Variants in ZNF770 observed in about 807,000 individuals in gnomAD.
ZNF770 encodes zinc finger protein 770.
A neutral mutation model predicts 44.8 loss-of-function variants in ZNF770; 13 were observed. The ratio of observed to expected loss-of-function variants is 0.29; its 90% CI spans 0.19 to 0.46. The LOEUF is 0.46. ZNF770 is among the 20% of genes least tolerant of loss of function. The probability of loss-of-function intolerance (pLI) is 1.00; values close to 1 mark genes in which losing one functional copy is unlikely to be tolerated. For synonymous variants in ZNF770, 304 were observed against 271.8 expected, an observed-to-expected ratio of 1.12 and a Z score of -1.17; for missense variants, 681 against 797.9, an observed-to-expected ratio of 0.85 and a Z score of 1.77.
chr15:34,985,727 C>G (rs1283021543), intron 2 of ZNF770, among the ~76,000 whole-genome samples: 2 of 151,930 alleles, frequency 1.3e-5, no homozygotes, highest in Admixed American at 6.6e-5. Flanking sequence ...AACCCTGTCT[C>G]TACTAAAAAT....
Position 34,981,653 on chromosome 15 carries a change from T to C in ZNF770, c.1782A>G (p.Gln594=). Residue 594 remains glutamine (Q), a synonymous_variant, in exon 3 of 3, where the codon CAA becomes CAG. Coordinates refer to ENST00000356321, the MANE Select transcript of ZNF770 (RefSeq NM_014106.4). ...CCAAAAGTACATTAGGAAGACAGGGTTGCCCGGTGCTACCAGGAATAAAAT... is the reference window on the plus strand; with the variant it reads ...CCAAAAGTACATTAGGAAGACAGGGCTGCCCGGTGCTACCAGGAATAAAAT... ...SQDFIPGSTG[Q]PCLPNVLLES... is the part of the protein sequence containing the mutation. The C allele has an allele frequency of 6.2e-7, 1 of 1,614,152 alleles. No individual in the cohort carries two copies. Among genetic ancestry groups the C allele is most frequent in the South Asian group, 1.1e-5 (1 of 91,076 alleles).
rs1452208474 is a variant in ZNF770 at position 34,982,501 on chromosome 15, G to A, written c.934C>T (p.His312Tyr). ...CFESEQILNE[H>Y]SCFAARSGKI... ...CCACTTCTAGCAGCAAAACAGCTGT[G>A]TTCATTGAGAATCTGCTCTGATTCA... The change falls in exon 3 of 3, where the codon CAC (histidine) becomes TAC (tyrosine). Residue 312 changes from histidine (H) to tyrosine (Y), a missense_variant. Around this residue, in one of 5 missense-constraint regions of ZNF770, gnomAD observed 432 missense variants for 434.1 expected, o/e 1.00. Transcript: ENST00000356321. 1 of 1,613,968 alleles carries A rather than the reference G, an allele frequency of 6.2e-7. No homozygotes were observed.
Position 34,979,835 on chromosome 15 carries a change from A to G in ZNF770, c.*1524T>C, listed in dbSNP as rs190648999. 696 of 309,358 alleles carry G rather than the reference A, an allele frequency of 2.2e-3. 3 individuals are homozygous for G. The highest frequency in any genetic ancestry group is 3.5e-3 in the South Asian group (144 of 41,050). The allele number at this position is 309,358 out of a possible 1,614,324, so 19.2% of individuals were successfully genotyped here. On this transcript the variant is annotated 3_prime_UTR_variant, in exon 3 of 3. Coordinates refer to ENST00000356321, the MANE Select transcript of ZNF770 (RefSeq NM_014106.4). ...ATAACGGTTCATTCCTTTTATTGCT[A>G]GAGAATGTCATTCCTGAAGATTTTA... is the stretch of plus-strand genomic sequence containing the variant.
chr15:34,979,856 T>C lies in ZNF770; in HGVS notation c.*1503A>G, dbSNP rs1423546958. Reference sequence around the variant, plus strand: ...TGCTAGAGAATGTCATTCCTGAAGATTTTATAAACAAAGGCAAATATGAAG... The same window carrying C: ...TGCTAGAGAATGTCATTCCTGAAGACTTTATAAACAAAGGCAAATATGAAG... On this transcript the variant is annotated 3_prime_UTR_variant, in exon 3 of 3. Coordinates refer to ENST00000356321, the MANE Select transcript of ZNF770 (RefSeq NM_014106.4). 3.2e-6 allele frequency: 1 copy of C among 308,628 alleles called. No individual in the cohort carries two copies. Among genetic ancestry groups the C allele is most frequent in the Non-Finnish European group, 6.3e-6 (1 of 157,522 alleles). The allele number at this position is 308,628 out of a possible 1,614,324, so 19.1% of individuals were successfully genotyped here.
At chr15:34,985,745 T>C (rs914643726) in intron 2 of ZNF770, among the ~76,000 whole-genome samples, 1 of 152,004 alleles carries the variant, frequency 6.6e-6, no homozygotes, top group African/African-American at 2.4e-5. Context: ...AATACAAAAA[T>C]TAGCTGAGTG....
Position 34,987,616 on chromosome 15 carries a change from A to C in ZNF770, c.-116T>G, listed in dbSNP as rs2050443589. 2 of 152,266 alleles carry C rather than the reference A, an allele frequency of 1.3e-5. No individual in the cohort carries two copies. Among genetic ancestry groups the C allele is most frequent in the Non-Finnish European group, 2.9e-5 (2 of 68,052 alleles). The allele number at this position is 152,266 out of a possible 1,614,324, so 9.4% of individuals were successfully genotyped here. A position where few individuals can be genotyped will look rare whatever the true frequency, so the allele number is the denominator to read the frequency against. On this transcript the variant is annotated 5_prime_UTR_variant, in exon 2 of 3. Transcript: ENST00000356321. ...GCCTGTTGATTTTCTTGTCTTGACT[A>C]GTACCATTAAAACGATGTGAGGATT...
In ZNF770 at chr15:34,979,528, A is replaced by C. The variant is rs1253471661; in HGVS notation, c.*1831T>G. 1 of 365,172 alleles carries C rather than the reference A, an allele frequency of 2.7e-6. No individual in the cohort carries two copies. Among genetic ancestry groups the C allele is most frequent in the Non-Finnish European group, 5.4e-6 (1 of 184,774 alleles). The allele number at this position is 365,172 out of a possible 1,614,324, so 22.6% of individuals were successfully genotyped here. ...TGCTGGATGTCTGTATCTACATAAT[A>C]AACAGGCACACTTCTACATCACTGG... On this transcript the variant is annotated 3_prime_UTR_variant, in exon 3 of 3. Coordinates refer to ENST00000356321, the MANE Select transcript of ZNF770 (RefSeq NM_014106.4).
Position 34,983,438 on chromosome 15 carries a change from C to G in ZNF770, c.-4G>C, listed in dbSNP as rs1009881466. 1.3e-6 allele frequency: 2 copies of G among 1,541,458 alleles called. No individual in the cohort carries two copies. Among genetic ancestry groups the G allele is most frequent in the Non-Finnish European group, 1.7e-6 (2 of 1,143,296 alleles). On this transcript the variant is annotated 5_prime_UTR_variant, in exon 3 of 3. Transcript: ENST00000356321. Reference sequence around the variant, plus strand: ...TTAAATTGTTTTCAGCCATCATATTCTTCAATGATATACTCTGATGAGCTC... The same window carrying G: ...TTAAATTGTTTTCAGCCATCATATTGTTCAATGATATACTCTGATGAGCTC...
intron 2 of ZNF770, among the ~76,000 whole-genome samples, chr15:34,984,553 G>T (rs1322270378): frequency 6.6e-6 from 1 of 151,560 alleles, no homozygotes; most frequent in African/African-American, 2.4e-5. Context: ...AGCTACTCAG[G>T]AGGCTGAGGC....
chr15:34,982,013 T>C lies in ZNF770; in HGVS notation c.1422A>G (p.Ile474Met). ...PRENIRTRHK[I>M]CPCDKCEKVF... Reference sequence around the variant, plus strand: ...CCTTCTCACATTTGTCACAAGGACATATCTTATGTCTAGTACGTATGTTTT... The same window carrying C: ...CCTTCTCACATTTGTCACAAGGACACATCTTATGTCTAGTACGTATGTTTT... The change falls in exon 3 of 3, where the codon ATA (isoleucine) becomes ATG (methionine). Residue 474 changes from isoleucine (I) to methionine (M), a missense_variant. By Grantham distance (10) the Ile-to-Met change is conservative. Transcript: ENST00000356321. The C allele has an allele frequency of 6.2e-7, 1 of 1,613,714 alleles. No homozygotes were observed.
In ZNF770 at chr15:34,978,935, T is replaced by A. The variant is rs1308711326; in HGVS notation, c.*2424A>T. On this transcript the variant is annotated 3_prime_UTR_variant, in exon 3 of 3. Coordinates refer to ENST00000356321, the MANE Select transcript of ZNF770 (RefSeq NM_014106.4). ...GCAATGTAAATGCTATTTAAATAAC[T>A]GTTATACTGTATTTTTATTTGTATT... is the stretch of plus-strand genomic sequence containing the variant. 6.6e-6 allele frequency: 1 copy of A among 152,318 alleles called. No homozygotes were observed. Among genetic ancestry groups the A allele is most frequent in the African/African-American group, 2.4e-5 (1 of 41,466 alleles). The allele number at this position is 152,318 out of a possible 1,614,324, so 9.4% of individuals were successfully genotyped here.
rs2050411578 is a variant in ZNF770, at chr15:34,982,835, T to A, written c.600A>T (p.Ser200=). The A allele has an allele frequency of 6.2e-7, 1 of 1,613,840 alleles. No homozygotes were observed. Among genetic ancestry groups the A allele is most frequent in the Non-Finnish European group, 8.5e-7 (1 of 1,179,976 alleles). The change falls in exon 3 of 3, where the codon TCA becomes TCT. Residue 200 remains serine (S), a synonymous_variant. Transcript: ENST00000356321. ...TAAGTTGGTGGATTTTTAAGTGAGT[T>A]GACTGTCGAAAAGATTTAGTACACA... ...CVLCTKSFRQ[S]THLKIHQLTH... is the part of the protein sequence containing the mutation.
At chr15:34,987,873 T>C (rs2140524402) in intron 1 of ZNF770, among the ~76,000 whole-genome samples, 200 bp from the exon 2 acceptor site, 1 of 151,976 alleles carries the variant, frequency 6.6e-6, no homozygotes, top group South Asian at 2.1e-4. Context: ...TCGAGCCGAG[T>C]CCAGAAACCA....
intron 1 of ZNF770, 140 bp downstream of exon 1, chr15:34,987,976 A>G (rs2050446082): frequency 6.6e-6 from 1 of 152,222 alleles, no homozygotes; most frequent in African/African-American, 2.4e-5. Flanking sequence ...ACCCACAGCA[A>G]CAACAAAAAA....
At position 34,983,052 on chromosome 15, in the gene ZNF770, C is replaced by T; in HGVS notation, c.383G>A (p.Gly128Glu). 6.2e-7 allele frequency: 1 copy of T among 1,614,032 alleles called. No homozygotes were observed. The highest frequency in any genetic ancestry group is 1.1e-5 in the South Asian group (1 of 91,056). Residue 128 changes from glycine to glutamate, a missense_variant, in exon 3 of 3, where the codon GGA (glycine) becomes GAA (glutamate). Gly to Glu is a moderately conservative substitution (Grantham distance 98, BLOSUM62 -2). This residue lies in a region of ZNF770 where 432 missense variants were observed against 434.1 expected (regional missense o/e 1.00). Transcript: ENST00000356321. ...CTCTGTGGTAAAAGTATTATACACTCCATACATTGACTTTTCTTGCTTGGC... is the reference window on the plus strand; with the variant it reads ...CTCTGTGGTAAAAGTATTATACACTTCATACATTGACTTTTCTTGCTTGGC... The part of the protein sequence containing the change: ...LEAKQEKSMY[G>E]VYNTFTTEER...
Position 34,982,529 on chromosome 15 carries a change from A to G in ZNF770, c.906T>C (p.Cys302=). ...VPFQCPKCEK[C]FESEQILNEH... is the part of the protein sequence containing the mutation. ...CATTGAGAATCTGCTCTGATTCAAA[A>G]CACTTTTCACACTTTGGACATTGAA... The change falls in exon 3 of 3, where the codon TGT becomes TGC. Residue 302 remains cysteine (C), a synonymous_variant. Coordinates refer to ENST00000356321, the MANE Select transcript of ZNF770 (RefSeq NM_014106.4). 3 of 1,613,964 alleles carry G rather than the reference A, an allele frequency of 1.9e-6. No individual in the cohort carries two copies. In the South Asian group the frequency reaches 3.3e-5, roughly 18 times the overall value.
chr15:34,984,689 A>T (rs1347239571), intron 2 of ZNF770, among the ~76,000 whole-genome samples: 1 of 152,182 alleles, frequency 6.6e-6, no homozygotes, highest in African/African-American at 2.4e-5. Flanking sequence ...TTTGTTGTGA[A>T]ATTCCCAAAA....
At position 34,983,475 on chromosome 15, in the gene ZNF770, T is replaced by TA. The variant is rs1320636487; in HGVS notation, c.-42dup. The TA allele has an allele frequency of 1.5e-6, 2 of 1,353,220 alleles. No individual in the cohort carries two copies. Among genetic ancestry groups the TA allele is most frequent in the East Asian group, 5.3e-5 (2 of 37,954 alleles). 83.8% of individuals were successfully genotyped at this position (1,353,220 alleles called of 1,614,324 possible). On this transcript the variant is annotated 5_prime_UTR_variant, in exon 3 of 3. Coordinates refer to ENST00000356321, the MANE Select transcript of ZNF770 (RefSeq NM_014106.4). ...ACTCTGATGAGCTCCATACTGTTCT[T>TA]AAATTCCACAGATGTCTAAAAATTA...
In ZNF770 at chr15:34,982,108, A is replaced by G; in HGVS notation, c.1327T>C (p.Cys443Arg). 1.9e-6 allele frequency: 3 copies of G among 1,613,992 alleles called. No homozygotes were observed. Among genetic ancestry groups the G allele is most frequent in the African/African-American group, 2.7e-5 (2 of 75,060 alleles). Reference sequence around the variant, plus strand: ...AAGAATTCCTCACCTGATGAACCACAGATTGACAAGTCTTTCTTATTCACT... The same window carrying G: ...AAGAATTCCTCACCTGATGAACCACGGATTGACAAGTCTTTCTTATTCACT... ...NSVNKKDLSICGSSGEEFFNN... is the reference protein window; with the variant it reads ...NSVNKKDLSIRGSSGEEFFNN... The change falls in exon 3 of 3, where the codon TGT becomes CGT. Residue 443 changes from cysteine (C) to arginine (R), a missense_variant. By Grantham distance (180) the Cys-to-Arg change is radical (BLOSUM62 -3). Transcript: ENST00000356321.
Sources: allele counts gnomAD v4.1 joint callset (sites outside exome capture counted in the v4.1 genomes callset), GRCh38; gene constraint gnomAD v4.1.1; regional missense constraint gnomAD v4.1.1; transcripts MANE v1.5; gene names NCBI Gene and HGNC (gene_info 2026-07-23, HGNC 2026-07-21).